The following MIPEP variants were observed in gnomAD, a reference collection of about 807,000 sequenced individuals.
The protein encoded by MIPEP is mitochondrial intermediate peptidase.
A neutral mutation model predicts 90.3 loss-of-function variants in MIPEP; 79 were observed. The ratio of observed to expected loss-of-function variants is 0.87; its 90% CI spans 0.73 to 1.05. The LOEUF is 1.05. Ranked by LOEUF, MIPEP falls within the 50% of genes least tolerant of loss-of-function variation. The pLI is 0.00. For synonymous variants in MIPEP, 334 were observed against 315.8 expected (o/e 1.06, Z -0.61); for missense variants, 940 against 905.6 (o/e 1.04, Z -0.49).
chr13:23,768,519 C>A (rs936528019), intron 16 of MIPEP, among the ~76,000 whole-genome samples: 2 of 152,106 alleles, frequency 1.3e-5, no homozygotes, highest in African/African-American at 4.8e-5. Flanking sequence ...AATTTGAAAC[C>A]AGCATGGGTA....
At chr13:23,888,212 A>G (rs1871599164) in intron 1 of MIPEP, 2 of 374,796 alleles carry the variant, frequency 5.3e-6, no homozygotes, top group Non-Finnish European at 1.0e-5. Context: ...TCTTCACACC[A>G]ACTATGTTAA....
At chr13:23,781,962 T>C (rs952921153) in intron 16 of MIPEP, among the ~76,000 whole-genome samples, 5 of 151,754 alleles carry the variant, frequency 3.3e-5, no homozygotes, top group African/African-American at 9.7e-5. Flanking sequence ...AAGCAAGTCC[T>C]TAGAGATCTA....
intron 4 of MIPEP, among the ~76,000 whole-genome samples, chr13:23,875,985 G>GT (rs1292852321): frequency 6.6e-6 from 1 of 152,030 alleles, no homozygotes; most frequent in Non-Finnish European, 1.5e-5. Flanking sequence ...GTTTTGTGTT[G>GT]TTATATAGAC....
At chr13:23,800,865 C>T (rs1025618905) in intron 16 of MIPEP, among the ~76,000 whole-genome samples, 4 of 152,120 alleles carry the variant, frequency 2.6e-5, no homozygotes, top group South Asian at 2.1e-4. Flanking sequence ...AGACTCCAAG[C>T]GGTTCCTCAG....
chr13:23,868,913 A>G (rs1263320544), intron 7 of MIPEP, among the ~76,000 whole-genome samples: 1 of 152,204 alleles, frequency 6.6e-6, no homozygotes, highest in Non-Finnish European at 1.5e-5. Flanking sequence ...TGTTTTTTAT[A>G]TGACCTAACC....
At position 23,771,530 on chromosome 13, in the gene MIPEP, T is replaced by TACACACACACAC. The variant is rs3077653; in HGVS notation, c.1849-11325_1849-11314dup. Among the ~76,000 whole-genome samples the TACACACACACAC allele has an allele frequency of 1.3e-3, 192 of 146,082 alleles. 2 individuals are homozygous for TACACACACACAC. Among genetic ancestry groups the TACACACACACAC allele is most frequent in the African/African-American group, 3.6e-3 (144 of 39,648 alleles). ...GGTAACATGTAACTAATTTGCTGACTACACACACACACACACACACACACA... is the reference window on the plus strand; with the variant it reads ...GGTAACATGTAACTAATTTGCTGACTACACACACACACACACACACACACACACACACACACA... On this transcript the variant is annotated intron_variant, in intron 16 of 18. Transcript: ENST00000382172.
At chr13:23,778,462 A>ATCAT (rs559113464) in intron 16 of MIPEP, among the ~76,000 whole-genome samples, 129 of 152,260 alleles carry the variant, frequency 8.5e-4, no homozygotes, top group African/African-American at 3.0e-3. Flanking sequence ...TCAAGCAACT[A>ATCAT]GCTGTGCATT....
At chr13:23,888,623 G>A (rs1871630105) in intron 1 of MIPEP, 7 of 816,540 alleles carry the variant, frequency 8.6e-6, no homozygotes, top group Non-Finnish European at 8.9e-6. Flanking sequence ...AAAGCCCAAA[G>A]CTTTGAAATA....
chr13:23,806,059 G>C lies in MIPEP; in HGVS notation c.1739C>G (p.Ala580Gly). Residue 580 changes from alanine (A) to glycine (G), a missense_variant, in exon 16 of 19, where the codon GCC becomes GGC. Physicochemically the swap from Ala to Gly is moderately conservative, Grantham distance 60. Coordinates refer to ENST00000382172, the MANE Select transcript of MIPEP (RefSeq NM_005932.4). ...AADMQLQVFY[A>G]TLDQIYHGKH... The stretch of plus-strand genomic sequence containing the variant: ...CCCATGGTAGATTTGATCCAGAGTG[G>C]CATAAAAGACCTAGATAGATAAAAA... The C allele has an allele frequency of 6.2e-7, 1 of 1,613,704 alleles. No individual in the cohort carries two copies. Among genetic ancestry groups the C allele is most frequent in the Non-Finnish European group, 8.5e-7 (1 of 1,179,862 alleles).
rs1316808719 is a variant in MIPEP at position 23,756,584 on chromosome 13, C to T, written c.2005G>A (p.Ala669Thr). ...ATGGGCTCCCTGCCTCCACCGTGGG[C>T]CAGCATCTCCCTGCGATAGCGCTCC... is the stretch of plus-strand genomic sequence containing the variant. ...AGERYRREML[A>T]HGGGREPMLM... Residue 669 changes from alanine (A) to threonine (T), a missense_variant, in exon 18 of 19, where the codon GCC (alanine) becomes ACC (threonine). By Grantham distance (58) the Ala-to-Thr change is moderately conservative. Transcript: ENST00000382172. The T allele has an allele frequency of 2.5e-6, 4 of 1,613,810 alleles. No individual in the cohort carries two copies. The highest frequency in any genetic ancestry group is 3.4e-6 in the Non-Finnish European group (4 of 1,180,026).
intron 16 of MIPEP, among the ~76,000 whole-genome samples, chr13:23,796,344 G>C (rs1952961035): frequency 6.6e-6 from 1 of 152,100 alleles, no homozygotes; most frequent in Non-Finnish European, 1.5e-5. Context: ...TTGAACCGGG[G>C]AGGCAGAGGT....
chr13:23,771,108 G>A (rs1300327786), intron 16 of MIPEP, among the ~76,000 whole-genome samples: 1 of 152,194 alleles, frequency 6.6e-6, no homozygotes, highest in Non-Finnish European at 1.5e-5. Context: ...TGCAACAAGT[G>A]CTATGGGAAT....
intron 4 of MIPEP, among the ~76,000 whole-genome samples, chr13:23,877,597 A>G (rs1871119858): frequency 6.6e-6 from 1 of 152,216 alleles, no homozygotes; most frequent in African/African-American, 2.4e-5. Flanking sequence ...TTACTGACTG[A>G]AGGAACCATT....
chr13:23,830,663 T>C (rs1040264187), intron 14 of MIPEP, among the ~76,000 whole-genome samples: 6 of 152,232 alleles, frequency 3.9e-5, no homozygotes, highest in African/African-American at 4.8e-5. Flanking sequence ...CCACTATTCC[T>C]AGTAATATTG....
rs2137408933 is a variant in MIPEP, at chr13:23,809,836, AG to A, written c.1728+13del. The A allele has an allele frequency of 6.3e-7, 1 of 1,576,372 alleles. No homozygotes were observed. The highest frequency in any genetic ancestry group is 2.2e-5 in the East Asian group (1 of 44,592). ...ATGACTCCGGAAAACTTCAGAACAAAGGTACATACATACCTGAAGTTGCATA... is the reference window on the plus strand; with the variant it reads ...ATGACTCCGGAAAACTTCAGAACAAAGTACATACATACCTGAAGTTGCATA... On this transcript the variant is annotated intron_variant, in intron 15 of 18. Coordinates refer to ENST00000382172, the MANE Select transcript of MIPEP (RefSeq NM_005932.4).
chr13:23,843,973 G>A (rs1869421980), intron 10 of MIPEP, among the ~76,000 whole-genome samples: 2 of 152,164 alleles, frequency 1.3e-5, no homozygotes, highest in Non-Finnish European at 2.9e-5. Context: ...TGTGTTTGTG[G>A]GAGAAGAGAG....
chr13:23,762,633 C>T (rs1025356288), intron 16 of MIPEP, among the ~76,000 whole-genome samples: 1 of 152,200 alleles, frequency 6.6e-6, no homozygotes, highest in Non-Finnish European at 1.5e-5. Context: ...AAGGAATGAT[C>T]CATGCCCCTT....
At chr13:23,731,717 A>G (rs1471677175) in intron 18 of MIPEP, among the ~76,000 whole-genome samples, 2 of 152,226 alleles carry the variant, frequency 1.3e-5, no homozygotes, top group Non-Finnish European at 2.9e-5. Context: ...AAATACTCAC[A>G]AAACATATCT....
intron 18 of MIPEP, among the ~76,000 whole-genome samples, chr13:23,733,272 T>A (rs576315199): frequency 2.1e-5 from 3 of 143,980 alleles, no homozygotes; most frequent in South Asian, 2.2e-4. Context: ...GAGCAGAAAC[T>A]TAACAGATTG....
Sources: gnomAD v4.1 joint callset for allele counts (sites outside exome capture counted in the v4.1 genomes callset) on GRCh38, gnomAD v4.1.1 for gene constraint, MANE v1.5 for transcripts, NCBI Gene and HGNC (gene_info 2026-07-23, HGNC 2026-07-21) for gene names.